Variants in ELP3 observed in about 807,000 individuals in gnomAD.
ELP3 encodes elongator complex protein 3.
A neutral mutation model predicts 74.9 loss-of-function variants in ELP3; 56 were observed. That is an observed-to-expected ratio of 0.75 (90% CI 0.60 to 0.93). The LOEUF is 0.93. Among genes scored for constraint, ELP3 ranks in the 40% least tolerant of loss-of-function variants. The pLI is 0.00. For synonymous variants in ELP3, 222 were observed against 239.8 expected (o/e 0.93, Z 0.68); for missense variants, 573 against 686.5 (o/e 0.83, Z 1.85).
In ELP3 at chr8:28,136,318, C is replaced by G. The variant is rs941440204; in HGVS notation, c.907-1380C>G. 3.3e-5 allele frequency among the ~76,000 whole-genome samples: 5 copies of G among 152,210 alleles called. No homozygotes were observed. The East Asian group carries it at 7.7e-4, about 23-fold the overall frequency. On this transcript the variant is annotated intron_variant, in intron 9 of 14. Coordinates refer to ENST00000256398, the MANE Select transcript of ELP3 (RefSeq NM_018091.6). Reference sequence around the variant, plus strand: ...GAAAATAAACACTTTTTTAAATTCTCTAGTGTAACTGAAAATTGAGAACCA... The same window carrying G: ...GAAAATAAACACTTTTTTAAATTCTGTAGTGTAACTGAAAATTGAGAACCA...
At chr8:28,172,682 T>TA (rs1814577208) in intron 14 of ELP3, among the ~76,000 whole-genome samples, 1 of 152,090 alleles carries the variant, frequency 6.6e-6, no homozygotes, top group Non-Finnish European at 1.5e-5. Context: ...CTTTAAGTAC[T>TA]GTGGTGAAAA....
chr8:28,171,783 A>C (rs1369978744), intron 14 of ELP3, among the ~76,000 whole-genome samples: 1 of 152,116 alleles, frequency 6.6e-6, no homozygotes, highest in African/African-American at 2.4e-5. Flanking sequence ...CTTTATATAA[A>C]GTTATAGCTC....
chr8:28,157,287 G>A (rs1217925889), intron 11 of ELP3, among the ~76,000 whole-genome samples: 1 of 38,126 alleles, frequency 2.6e-5, no homozygotes, highest in African/African-American at 1.3e-4. Context: ...AAAAAAGCAT[G>A]CCAAAAAAAA....
intron 7 of ELP3, among the ~76,000 whole-genome samples, chr8:28,127,946 C>T (rs1392947948): frequency 6.6e-6 from 1 of 152,034 alleles, no homozygotes; most frequent in African/African-American, 2.4e-5. Flanking sequence ...TTATTATTGG[C>T]AATAAATAAG....
rs1245577777 is a variant in ELP3, at chr8:28,129,532, T to C, written c.648T>C (p.Ile216=). 2 of 1,614,102 alleles carry C rather than the reference T, an allele frequency of 1.2e-6. No individual in the cohort carries two copies. Among genetic ancestry groups the C allele is most frequent in the African/African-American group, 1.3e-5 (1 of 74,950 alleles). ...KYSERSLTKC[I]GITIETRPDY... is the part of the protein sequence containing the mutation. ...CTGAGAGAAGCCTCACAAAGTGTAT[T>C]GGAATTACTATTGAAACCAGACCAG... The change falls in exon 8 of 15, where the codon ATT becomes ATC. Residue 216 remains isoleucine (I), a synonymous_variant. Transcript: ENST00000256398.
intron 9 of ELP3, among the ~76,000 whole-genome samples, chr8:28,132,961 T>C (rs1039642417): frequency 7.2e-5 from 11 of 152,130 alleles, no homozygotes; most frequent in African/African-American, 2.4e-4. Flanking sequence ...AGTAGAATTA[T>C]CAGGTAAAGG....
At chr8:28,130,766 T>A (rs1216231046) in intron 8 of ELP3, among the ~76,000 whole-genome samples, 1 of 152,100 alleles carries the variant, frequency 6.6e-6, no homozygotes, top group Non-Finnish European at 1.5e-5. Flanking sequence ...AAGAGGAAGA[T>A]TGAGGCAGAA....
chr8:28,150,499 G>A (rs981631691), intron 10 of ELP3, among the ~76,000 whole-genome samples: 8 of 151,988 alleles, frequency 5.3e-5, no homozygotes, highest in Admixed American at 1.3e-4. Flanking sequence ...GGTTGGTGGC[G>A]GGTGTTTTTT....
intron 7 of ELP3, among the ~76,000 whole-genome samples, chr8:28,122,317 A>G (rs1393502099): frequency 6.6e-6 from 1 of 152,212 alleles, no homozygotes; most frequent in East Asian, 1.9e-4. Context: ...TTCACAAAAC[A>G]AGTAAGGATG....
chr8:28,110,833 A>AC (rs1218373050), intron 6 of ELP3: 1 of 171,038 alleles, frequency 5.8e-6, no homozygotes, highest in Non-Finnish European at 1.2e-5. Flanking sequence ...TGTAATCCCA[A>AC]CCCTTTGGAA....
chr8:28,111,923 T>G (rs896196562), intron 6 of ELP3, among the ~76,000 whole-genome samples: 6 of 152,324 alleles, frequency 3.9e-5, no homozygotes, highest in Middle Eastern at 3.4e-3. Flanking sequence ...GTATCTCTTG[T>G]AAAGAACCAT....
At chr8:28,104,743 G>T (rs547950445) in intron 3 of ELP3, among the ~76,000 whole-genome samples, 2 of 152,258 alleles carry the variant, frequency 1.3e-5, no homozygotes, top group East Asian at 1.9e-4. Context: ...GCGCAGGTTT[G>T]GTTTTCCTAT....
chr8:28,118,819 T>G (rs1812235828), intron 7 of ELP3: 1 of 152,204 alleles, frequency 6.6e-6, no homozygotes, highest in South Asian at 2.1e-4. Flanking sequence ...AAAAAGTGAG[T>G]GAGTCATACT....
intron 10 of ELP3, among the ~76,000 whole-genome samples, chr8:28,144,428 G>A (rs1041663607): frequency 2.6e-5 from 4 of 152,098 alleles, no homozygotes; most frequent in African/African-American, 4.8e-5. Flanking sequence ...TGGGAAACAC[G>A]GTGAAACCTC....
At chr8:28,174,553 C>G (rs770840340) in intron 14 of ELP3, among the ~76,000 whole-genome samples, 35 of 152,080 alleles carry the variant, frequency 2.3e-4, no homozygotes, top group Non-Finnish European at 5.0e-4. Flanking sequence ...CTCTGTCCCT[C>G]CCCCTCTGTA....
intron 5 of ELP3, among the ~76,000 whole-genome samples, chr8:28,108,512 C>T (rs896944386): frequency 7.5e-6 from 1 of 133,296 alleles, no homozygotes; most frequent in African/African-American, 2.9e-5. Context: ...GGCTAGAGTG[C>T]AGTGGCACGA....
At position 28,096,843 on chromosome 8, in the gene ELP3, G is replaced by T. The variant is rs1300791145; in HGVS notation, c.20-376G>T. ...CTAAATGTTCTTTATGAACTCTAAA[G>T]TATTATGCACATATTAGTAATTACA... On this transcript the variant is annotated intron_variant, in intron 1 of 14. Coordinates refer to ENST00000256398, the MANE Select transcript of ELP3 (RefSeq NM_018091.6). Among the ~76,000 whole-genome samples the T allele has an allele frequency of 2.6e-5, 4 of 152,144 alleles. No individual in the cohort carries two copies. In the East Asian group the frequency reaches 7.7e-4, roughly 29 times the overall value.
At chr8:28,181,536 C>T (rs1815009983) in intron 14 of ELP3, among the ~76,000 whole-genome samples, 1 of 152,222 alleles carries the variant, frequency 6.6e-6, no homozygotes, top group African/African-American at 2.4e-5. Context: ...TTTGTTTCAT[C>T]TAATGAGTTA....
intron 7 of ELP3, among the ~76,000 whole-genome samples, chr8:28,118,504 A>G (rs926468023): frequency 5.3e-5 from 8 of 152,254 alleles, no homozygotes; most frequent in South Asian, 2.1e-4. Context: ...AGGCTCATTA[A>G]ATCAAGCAAA....
Sources: gnomAD v4.1 joint callset for allele counts (sites outside exome capture counted in the v4.1 genomes callset) on GRCh38, gnomAD v4.1.1 for gene constraint, MANE v1.5 for transcripts, NCBI Gene and HGNC (gene_info 2026-07-23, HGNC 2026-07-21) for gene names.